ZMYND8: variants seen among roughly 807,000 people sequenced by gnomAD.
The protein encoded by ZMYND8 is zinc finger MYND-type containing 8, also known as MYND-type zinc finger-containing chromatin reader ZMYND8.
ZMYND8 carries 37 observed loss-of-function variants against 140.8 expected under a neutral mutation model. The ratio of observed to expected loss-of-function variants is 0.26; its 90% confidence interval spans 0.20 to 0.35. ZMYND8 has a LOEUF of 0.35. ZMYND8 is among the 10% of genes least tolerant of loss of function. The probability of loss-of-function intolerance (pLI) is 1.00; values close to 1 mark genes in which losing one functional copy is unlikely to be tolerated. For synonymous variants in ZMYND8, 592 were observed against 597.1 expected (o/e 0.99, Z 0.12); for missense variants, 1,068 against 1,570.0 (o/e 0.68, Z 5.40).
chr20:47,249,401 C>T lies in ZMYND8; in HGVS notation c.1660G>A (p.Glu554Lys). 1.9e-6 allele frequency: 3 copies of T among 1,614,142 alleles called. No homozygotes were observed. The highest frequency in any genetic ancestry group is 2.5e-6 in the Non-Finnish European group (3 of 1,180,002). ...GGGGTGGACTGTTGCTGGACCGACT[C>T]GCTCAGCTCCTTCAAATCCATCTCA... Reference protein sequence around the residue: ...KAEMDLKELSESVQQQSTPVP... With the variant: ...KAEMDLKELSKSVQQQSTPVP... The change falls in exon 13 of 23, where the codon GAG becomes AAG. Residue 554 changes from glutamate (E) to lysine (K), a missense_variant. Around this residue, in one of 10 missense-constraint regions of ZMYND8, gnomAD observed 173 missense variants for 223.3 expected, o/e 0.77. Transcript: ENST00000471951.
rs373430829 is a variant in ZMYND8, at chr20:47,220,103, C to T, written c.3484+155G>A. Among the ~76,000 whole-genome samples the T allele has an allele frequency of 2.5e-3, 377 of 151,530 alleles. 2 individuals carry two copies. Among genetic ancestry groups the T allele is most frequent in the African/African-American group, 9.0e-3 (368 of 41,046 alleles). ...TGAAAGTTAACATGCTCAGCTACCC[C>T]CTCACCCCCACTGACCCACCCCAGG... On this transcript the variant is annotated intron_variant, in intron 21 of 22. Coordinates refer to ENST00000471951, the MANE Select transcript of ZMYND8 (RefSeq NM_001281775.3).
chr20:47,329,683 C>T (rs754161285), intron 2 of ZMYND8, among the ~76,000 whole-genome samples: 1 of 152,176 alleles, frequency 6.6e-6, no homozygotes, highest in Non-Finnish European at 1.5e-5. Context: ...GGATTACAGG[C>T]GTGAGCCACC....
chr20:47,348,955 A>G (rs749872108), intron 1 of ZMYND8: 1 of 152,244 alleles, frequency 6.6e-6, no homozygotes, highest in Non-Finnish European at 1.5e-5. Context: ...ACAGGAAGAA[A>G]TGGGTGCATC....
rs184519162 is a variant in ZMYND8 at position 47,239,977 on chromosome 20, C to T, written c.2285-839G>A. 1.1e-3 allele frequency among the ~76,000 whole-genome samples: 175 copies of T among 152,346 alleles called. 1 individual carries two copies. Among genetic ancestry groups the T allele is most frequent in the African/African-American group, 4.1e-3 (172 of 41,586 alleles). The stretch of plus-strand genomic sequence containing the variant: ...TGAGGCCAAGCACGGTGGCTCACGC[C>T]TGTAATCCCAGCACTTCGGGAGGCT... On this transcript the variant is annotated intron_variant, in intron 14 of 22. Transcript: ENST00000471951.
chr20:47,288,906 A>G (rs1173344311), intron 7 of ZMYND8, among the ~76,000 whole-genome samples: 1 of 152,184 alleles, frequency 6.6e-6, no homozygotes, highest in Non-Finnish European at 1.5e-5. Context: ...GTTCGAGACC[A>G]GCCTGGCCAA....
intron 6 of ZMYND8, 115 bp from the exon 7 acceptor site, chr20:47,290,389 C>G (rs892465523): frequency 4.0e-5 from 32 of 790,792 alleles, no homozygotes; most frequent in Non-Finnish European, 6.1e-5. Flanking sequence ...AATTAGTGTT[C>G]TTCTATTCAT....
chr20:47,278,046 C>T (rs1335801425), intron 10 of ZMYND8, among the ~76,000 whole-genome samples: 1 of 152,096 alleles, frequency 6.6e-6, no homozygotes, highest in Non-Finnish European at 1.5e-5. Context: ...GATCAAGGCT[C>T]ACTACAGCCT....
intron 16 of ZMYND8, among the ~76,000 whole-genome samples, chr20:47,235,849 G>A (rs2039167609): frequency 6.6e-6 from 1 of 152,170 alleles, no homozygotes; most frequent in African/African-American, 2.4e-5. Context: ...GCAGGAGACA[G>A]GGGAGAGGGA....
At chr20:47,286,910 G>A (rs2076959632) in intron 8 of ZMYND8, among the ~76,000 whole-genome samples, 2 of 152,220 alleles carry the variant, frequency 1.3e-5, no homozygotes. Flanking sequence ...ATACCAGGCT[G>A]TGGGGCCAAG....
chr20:47,240,836 G>A (rs929298895), intron 14 of ZMYND8, among the ~76,000 whole-genome samples: 1 of 151,740 alleles, frequency 6.6e-6, no homozygotes, highest in African/African-American at 2.4e-5. Context: ...TTACAGGCGT[G>A]AGCCAACGTG....
intron 2 of ZMYND8, among the ~76,000 whole-genome samples, chr20:47,313,395 G>C (rs2079099483): frequency 6.6e-6 from 1 of 150,606 alleles, no homozygotes; most frequent in South Asian, 2.1e-4. Context: ...GGCCAAGGCG[G>C]GCGGATTACA....
chr20:47,283,760 G>T, intron 8 of ZMYND8, 112 bp from the exon 9 acceptor site: 1 of 1,032,512 alleles, frequency 9.7e-7, no homozygotes, highest in Non-Finnish European at 1.4e-6. Flanking sequence ...CCCATAGAGG[G>T]AACACCTTGG....
intron 2 of ZMYND8, among the ~76,000 whole-genome samples, chr20:47,339,756 G>A (rs552979127): frequency 1.1e-4 from 17 of 152,192 alleles, no homozygotes; most frequent in Non-Finnish European, 1.5e-4. Flanking sequence ...GATCACAGGC[G>A]TGAGTGAGGC....
intron 12 of ZMYND8, among the ~76,000 whole-genome samples, chr20:47,261,552 TCA>T (rs2075152937): frequency 7.4e-5 from 1 of 13,440 alleles, no homozygotes; most frequent in African/African-American, 6.3e-4. Flanking sequence ...AAAACAGTTA[TCA>T]TCATCATCAT....
At chr20:47,309,497 C>T (rs113409490) in intron 3 of ZMYND8, among the ~76,000 whole-genome samples, 7 of 152,132 alleles carry the variant, frequency 4.6e-5, no homozygotes, top group African/African-American at 7.2e-5. Context: ...TTAGTAAAGG[C>T]GGGGTTTCAC....
chr20:47,234,276 T>C (rs2038929991), intron 16 of ZMYND8, among the ~76,000 whole-genome samples: 1 of 152,226 alleles, frequency 6.6e-6, no homozygotes, highest in South Asian at 2.1e-4. Context: ...CCTGAACTCC[T>C]GAGCTCATGC....
At chr20:47,289,251 G>A (rs891659747) in intron 7 of ZMYND8, among the ~76,000 whole-genome samples, 10 of 152,230 alleles carry the variant, frequency 6.6e-5, no homozygotes, top group African/African-American at 2.4e-4. Flanking sequence ...TTAAAACATC[G>A]TGACATAATA....
intron 14 of ZMYND8, among the ~76,000 whole-genome samples, chr20:47,244,233 T>C (rs1043390082): frequency 2.0e-5 from 3 of 152,242 alleles, no homozygotes; most frequent in African/African-American, 7.2e-5. Context: ...AGTTAGCTCC[T>C]GATAGAAGTT....
intron 2 of ZMYND8, among the ~76,000 whole-genome samples, chr20:47,313,407 A>C (rs528315957): frequency 2.7e-5 from 4 of 150,396 alleles, no homozygotes; most frequent in South Asian, 2.1e-4. Context: ...CGGATTACAA[A>C]GTCAGGAGAT....
Sources: gnomAD v4.1 joint callset for allele counts (sites outside exome capture counted in the v4.1 genomes callset) on GRCh38, gnomAD v4.1.1 for gene constraint, gnomAD v4.1.1 regional missense constraint, MANE v1.5 for transcripts, NCBI Gene and HGNC (gene_info 2026-07-23, HGNC 2026-07-21) for gene names.